The following PPP2R2C variants were observed in gnomAD, a reference collection of about 807,000 sequenced individuals.
PPP2R2C encodes protein phosphatase 2 regulatory subunit Bgamma, also known as protein phosphatase 2, regulatory subunit B, gamma.
PPP2R2C carries 10 observed loss-of-function variants against 45.3 expected under a neutral mutation model. The observed-to-expected ratio is 0.22, with a 90% confidence interval of 0.14 to 0.37. The LOEUF is 0.37. Among genes scored for constraint, PPP2R2C ranks in the 10% least tolerant of loss-of-function variants. The pLI is 1.00. For missense variants in PPP2R2C, 308 were observed against 619.7 expected (o/e 0.50, Z 5.34); for synonymous variants, 257 against 245.4 (o/e 1.05, Z -0.44).
At chr4:6,358,928 A>G (rs573683173) in intron 5 of PPP2R2C, among the ~76,000 whole-genome samples, 22 of 152,348 alleles carry the variant, frequency 1.4e-4, no homozygotes, top group Admixed American at 4.6e-4. Context: ...ATTGTGGAAA[A>G]CAGTGTGGTG....
intron 1 of PPP2R2C, among the ~76,000 whole-genome samples, chr4:6,459,582 A>G (rs756683995): frequency 4.6e-5 from 7 of 152,238 alleles, no homozygotes; most frequent in Non-Finnish European, 8.8e-5. Flanking sequence ...AAAAAAACTT[A>G]CAATTGAATA....
intron 1 of PPP2R2C, among the ~76,000 whole-genome samples, chr4:6,394,389 T>C (rs1716875878): frequency 6.6e-6 from 1 of 152,212 alleles, no homozygotes; most frequent in South Asian, 2.1e-4. Flanking sequence ...GTTGCTATAA[T>C]TATTGCTACT....
At chr4:6,560,538 C>T (rs549569594) in intron 1 of PPP2R2C, among the ~76,000 whole-genome samples, 1 of 152,236 alleles carries the variant, frequency 6.6e-6, no homozygotes, top group East Asian at 1.9e-4. Flanking sequence ...ACCCATTTCA[C>T]CAGGTTGTGG....
At chr4:6,346,386 C>G (rs1165189795) in intron 6 of PPP2R2C, among the ~76,000 whole-genome samples, 1 of 151,930 alleles carries the variant, frequency 6.6e-6, no homozygotes, top group African/African-American at 2.4e-5. Flanking sequence ...CACCACCCAC[C>G]CCCTCAGGGT....
At chr4:6,351,004 C>A (rs1712500493) in intron 5 of PPP2R2C, 1 of 985,232 alleles carries the variant, frequency 1.0e-6, no homozygotes, top group Non-Finnish European at 1.2e-6. Context: ...TGTTTCAGAA[C>A]TTTTCAAAGT....
intron 1 of PPP2R2C, among the ~76,000 whole-genome samples, chr4:6,416,752 G>A (rs182991559): frequency 3.2e-4 from 48 of 152,322 alleles, no homozygotes; most frequent in African/African-American, 1.1e-3. Context: ...CTTCCACTTC[G>A]GGAACCCTGC....
intron 1 of PPP2R2C, chr4:6,382,420 CCT>C (rs1715869897): frequency 1.5e-6 from 2 of 1,351,884 alleles, no homozygotes; most frequent in South Asian, 2.3e-5. Context: ...CCTGTCCCAG[CCT>C]CTGTTCTCCC....
chr4:6,404,956 T>A (rs373131570), intron 1 of PPP2R2C, among the ~76,000 whole-genome samples: 7 of 152,220 alleles, frequency 4.6e-5, no homozygotes, highest in African/African-American at 1.7e-4. Context: ...CTACCTCAAC[T>A]GCCTCATCAG....
rs564834240 is a variant in PPP2R2C, at chr4:6,345,805, G to A, written c.790+2041C>T. On this transcript the variant is annotated intron_variant, in intron 6 of 8. Coordinates refer to ENST00000382599, the MANE Select transcript of PPP2R2C (RefSeq NM_020416.4). The surrounding 1 kb of genome is among the most constrained non-coding windows in gnomAD (Gnocchi z 5.3). ...GTTGTGGCGCACAGGACGCAGCCCC[G>A]AGCCCCCTGCACCCCGGGAATCTCA... Among the ~76,000 whole-genome samples the A allele has an allele frequency of 4.6e-5, 7 of 152,192 alleles. No individual in the cohort carries two copies. Among genetic ancestry groups the A allele is most frequent in the Admixed American group, 2.0e-4 (3 of 15,290 alleles).
chr4:6,442,693 TG>T (rs1374259182), intron 1 of PPP2R2C, among the ~76,000 whole-genome samples: 1 of 152,168 alleles, frequency 6.6e-6, no homozygotes, highest in East Asian at 1.9e-4. Flanking sequence ...CCCTAGGGTG[TG>T]GGGTACAGTT....
chr4:6,445,834 T>C (rs1720389216), intron 1 of PPP2R2C, among the ~76,000 whole-genome samples: 2 of 152,240 alleles, frequency 1.3e-5, no homozygotes, highest in Admixed American at 1.3e-4. Context: ...ACCAACATGA[T>C]GTTCTAAGGG....
intron 2 of PPP2R2C, among the ~76,000 whole-genome samples, chr4:6,488,390 C>G (rs1485440615): frequency 6.6e-6 from 1 of 152,102 alleles, no homozygotes; most frequent in Non-Finnish European, 1.5e-5. Flanking sequence ...CATTTATAAA[C>G]AGTTTGATCC....
At chr4:6,372,501 G>A (rs546591219) in intron 5 of PPP2R2C, 22 bp downstream of exon 5, 1 of 1,540,594 alleles carries the variant, frequency 6.5e-7, no homozygotes, top group Non-Finnish European at 8.8e-7. Flanking sequence ...GGAGGCACTG[G>A]CCAGGCCACA....
intron 1 of PPP2R2C, among the ~76,000 whole-genome samples, chr4:6,434,132 G>A (rs556762435): frequency 6.6e-6 from 1 of 152,026 alleles, no homozygotes; most frequent in Non-Finnish European, 1.5e-5. Context: ...CCACTATTTT[G>A]CACCTTGCTC....
chr4:6,389,461 T>C (rs982156508), intron 1 of PPP2R2C, among the ~76,000 whole-genome samples: 6 of 152,146 alleles, frequency 3.9e-5, no homozygotes, highest in Non-Finnish European at 8.8e-5. Flanking sequence ...TCAGGGCTGC[T>C]AAGGATGGAG....
chr4:6,511,543 GTGA>G (rs745934807), intron 2 of PPP2R2C, among the ~76,000 whole-genome samples: 71 of 10,732 alleles, frequency 6.6e-3, no homozygotes, highest in Non-Finnish European at 0.012. Context: ...GGTGGTGGTG[GTGA>G]TGGTGGTGGT....
chr4:6,432,973 T>C (rs1719706079), intron 1 of PPP2R2C, among the ~76,000 whole-genome samples: 1 of 152,218 alleles, frequency 6.6e-6, no homozygotes, highest in Admixed American at 6.5e-5. Flanking sequence ...TTCCACTTAA[T>C]GAACAGAAAA....
At chr4:6,346,184 A>G (rs914491196) in intron 6 of PPP2R2C, among the ~76,000 whole-genome samples, 7 of 151,984 alleles carry the variant, frequency 4.6e-5, no homozygotes, top group Admixed American at 4.6e-4. Context: ...GCGACCTCTG[A>G]CGCCTGCTCC....
intron 2 of PPP2R2C, among the ~76,000 whole-genome samples, chr4:6,481,787 T>C (rs1722358549): frequency 6.6e-6 from 1 of 151,880 alleles, no homozygotes; most frequent in African/African-American, 2.4e-5. Flanking sequence ...GAGACAAGCC[T>C]GGTCAACATG....
Sources: allele counts gnomAD v4.1 joint callset (sites outside exome capture counted in the v4.1 genomes callset), GRCh38; gene constraint gnomAD v4.1.1; non-coding constraint Gnocchi (gnomAD v3.1); transcripts MANE v1.5; gene names NCBI Gene and HGNC (gene_info 2026-07-23, HGNC 2026-07-21).